Variants in DNAH6 observed in about 807,000 individuals in gnomAD.
DNAH6 encodes dynein axonemal heavy chain 6.
A neutral mutation model predicts 491.4 loss-of-function variants in DNAH6; 340 were observed. That is an observed-to-expected ratio of 0.69 (90% CI 0.63 to 0.76). The LOEUF (loss-of-function observed/expected upper bound fraction) is 0.76, where lower values mean the gene tolerates loss of function less well. Among genes scored for constraint, DNAH6 ranks in the 30% least tolerant of loss-of-function variants. The pLI is 0.00. For synonymous variants in DNAH6, 1,603 were observed against 1,686.1 expected (o/e 0.95, Z 1.21); for missense variants, 4,443 against 4,972.2 (o/e 0.89, Z 3.20).
intron 60 of DNAH6, among the ~76,000 whole-genome samples, chr2:84,725,890 G>C (rs1461905851): frequency 6.6e-6 from 1 of 152,196 alleles, no homozygotes; most frequent in Non-Finnish European, 1.5e-5. Context: ...GGTTGTTAAA[G>C]AGGGCTGAGT....
At chr2:84,518,453 G>A (rs1356187711) in intron 2 of DNAH6, among the ~76,000 whole-genome samples, 1 of 152,134 alleles carries the variant, frequency 6.6e-6, no homozygotes, top group South Asian at 2.1e-4. Flanking sequence ...AAAATTGTGT[G>A]CATGTTGAAA....
chr2:84,688,409 C>G, intron 44 of DNAH6, 30 bp from the exon 45 acceptor site: 1 of 1,461,814 alleles, frequency 6.8e-7, no homozygotes, highest in Middle Eastern at 1.8e-4. Flanking sequence ...CAGAATTGAT[C>G]CAACTTGGTT....
At chr2:84,562,241 G>A (rs371982860) in intron 11 of DNAH6, among the ~76,000 whole-genome samples, 4 of 151,890 alleles carry the variant, frequency 2.6e-5, no homozygotes, top group East Asian at 1.9e-4. Flanking sequence ...AAAATATATC[G>A]TCACTCAGAG....
intron 45 of DNAH6, among the ~76,000 whole-genome samples, chr2:84,693,376 C>T (rs377523401): frequency 1.3e-5 from 2 of 148,572 alleles, no homozygotes; most frequent in East Asian, 1.9e-4. Flanking sequence ...CTCTACCCAA[C>T]TTTTCCTAAA....
chr2:84,669,598 T>G (rs1337994376), intron 38 of DNAH6, 88 bp downstream of exon 38: 6 of 1,158,074 alleles, frequency 5.2e-6, no homozygotes, highest in Non-Finnish European at 7.5e-6. Context: ...TAATATTATT[T>G]CTGAGAGGAA....
At chr2:84,650,297 A>G (rs1355867508) in intron 33 of DNAH6, among the ~76,000 whole-genome samples, 1 of 152,096 alleles carries the variant, frequency 6.6e-6, no homozygotes, top group African/African-American at 2.4e-5. Context: ...ATCTTTTGTT[A>G]TATTTCCACA....
At position 84,709,529 on chromosome 2, in the gene DNAH6, A is replaced by G; in HGVS notation, c.9235A>G (p.Ile3079Val). 1 of 1,551,732 alleles carries G rather than the reference A, an allele frequency of 6.4e-7. No homozygotes were observed. Among genetic ancestry groups the G allele is most frequent in the South Asian group, 1.2e-5 (1 of 84,052 alleles). ...VTQGRRWPLMIDPQDQANRWI... is the reference protein window; with the variant it reads ...VTQGRRWPLMVDPQDQANRWI... The stretch of plus-strand genomic sequence containing the variant: ...TCAAGGCAGAAGATGGCCTTTGATG[A>G]TTGATCCCCAAGATCAGGTGTGTAG... Residue 3079 changes from isoleucine (I) to valine (V), a missense_variant, in exon 55 of 77, where the codon ATT becomes GTT. Ile to Val is a conservative substitution (Grantham distance 29). This residue lies in a region of DNAH6 where 1,463 missense variants were observed against 1,656.6 expected (regional missense o/e 0.88). Coordinates refer to ENST00000389394, the MANE Select transcript of DNAH6 (RefSeq NM_001370.2).
At chr2:84,472,577 G>A in the DNAH6 span, among the ~76,000 whole-genome samples, 2 of 152,064 alleles carry the variant, frequency 1.3e-5, no homozygotes, top group Non-Finnish European at 2.9e-5. Context: ...GTTAACTCCT[G>A]TTCCTTGATG....
chr2:84,577,883 A>G (rs1336436018), intron 13 of DNAH6, among the ~76,000 whole-genome samples: 1 of 152,248 alleles, frequency 6.6e-6, no homozygotes, highest in African/African-American at 2.4e-5. Flanking sequence ...GAGCCAGAGT[A>G]TACTTGTGTC....
intron 63 of DNAH6, among the ~76,000 whole-genome samples, chr2:84,757,514 A>G (rs780505132): frequency 2.0e-5 from 3 of 152,218 alleles, no homozygotes; most frequent in Non-Finnish European, 4.4e-5. Context: ...TCATAAGGAA[A>G]CACTCTCTAT....
In DNAH6 at chr2:84,606,929, G is replaced by A. The variant is rs1290750471; in HGVS notation, c.3175-47G>A. 2.0e-6 allele frequency: 3 copies of A among 1,529,806 alleles called. No individual in the cohort carries two copies. In the South Asian group the frequency reaches 3.7e-5, roughly 19 times the overall value. The allele number at this position is 1,529,806 out of a possible 1,614,324, so 94.8% of individuals were successfully genotyped here. A position where few individuals can be genotyped will look rare whatever the true frequency, so the allele number is the denominator to read the frequency against. On this transcript the variant is annotated intron_variant, in intron 20 of 76. Coordinates refer to ENST00000389394, the MANE Select transcript of DNAH6 (RefSeq NM_001370.2). ...TTATGTATCTGAAATATTACTGAAA[G>A]CACAAATACTGGGTGCTGCATGTAT... is the stretch of plus-strand genomic sequence containing the variant.
chr2:84,707,757 C>T, intron 54 of DNAH6, 41 bp downstream of exon 54: 1 of 1,495,424 alleles, frequency 6.7e-7, no homozygotes, highest in South Asian at 1.2e-5. Context: ...TAAGAAGCAG[C>T]TGAAACTGGA....
chr2:84,705,471 A>G lies in DNAH6; in HGVS notation c.8466-15A>G, dbSNP rs546110739. ...TTCATTTCAGTGCCATTAATATATC[A>G]TGTCTGTCTTTCAGGCCTGATTGGC... On this transcript the variant is annotated splice_polypyrimidine_tract_variant and intron_variant, in intron 51 of 76. Transcript: ENST00000389394. 6.1e-5 allele frequency: 93 copies of G among 1,528,448 alleles called. 1 individual carries two copies. In the South Asian group the frequency reaches 9.4e-4, roughly 15 times the overall value. The allele number at this position is 1,528,448 out of a possible 1,614,324, so 94.7% of individuals were successfully genotyped here. A position where few individuals can be genotyped will look rare whatever the true frequency, so the allele number is the denominator to read the frequency against.
chr2:84,605,352 C>CAA lies in DNAH6; in HGVS notation c.3082-131_3082-130dup, dbSNP rs5832617. On this transcript the variant is annotated intron_variant, in intron 19 of 76. Transcript: ENST00000389394. Reference sequence around the variant, plus strand: ...TGGGTGACAGAGTGAGACTCTATCTCAAAAAAAAAAAAAAAAAAGAATTTT... The same window carrying CAA: ...TGGGTGACAGAGTGAGACTCTATCTCAAAAAAAAAAAAAAAAAAAAGAATTTT... The CAA allele has an allele frequency of 1.7e-3, 580 of 337,008 alleles. 1 individual carries two copies. The highest frequency in any genetic ancestry group is 6.2e-3 in the African/African-American group (200 of 32,122). 20.9% of individuals were successfully genotyped at this position (337,008 alleles called of 1,614,324 possible).
At chr2:84,578,807 T>G (rs1371554482) in intron 13 of DNAH6, among the ~76,000 whole-genome samples, 1 of 152,188 alleles carries the variant, frequency 6.6e-6, no homozygotes, top group Non-Finnish European at 1.5e-5. Flanking sequence ...AGGAACCTGA[T>G]AGAAAGTGAT....
intron 62 of DNAH6, among the ~76,000 whole-genome samples, chr2:84,738,397 T>C (rs1672204916): frequency 6.6e-6 from 1 of 152,116 alleles, no homozygotes; most frequent in Admixed American, 6.5e-5. Context: ...CCAGAATTGG[T>C]CAATTTTCTG....
the DNAH6 span, among the ~76,000 whole-genome samples, chr2:84,463,127 A>G: frequency 6.6e-6 from 1 of 152,308 alleles, no homozygotes; most frequent in African/African-American, 2.4e-5. Context: ...CAGCATTCCA[A>G]AGAGAGAATA....
At position 84,598,890 on chromosome 2, in the gene DNAH6, C is replaced by T. The variant is rs374176282; in HGVS notation, c.2868+3101C>T. Among the ~76,000 whole-genome samples the T allele has an allele frequency of 1.6e-3, 249 of 152,072 alleles. 2 individuals carry two copies. The South Asian group carries it at 0.019, about 12-fold the overall frequency. ...ACTAAAAATACAAAAATTAGCTGGG[C>T]GTGGTGGCTTGTGCCTGTAGTCCTG... On this transcript the variant is annotated intron_variant, in intron 18 of 76. Transcript: ENST00000389394.
rs1397347224 is a variant in DNAH6, at chr2:84,694,236, C to G, written c.7293-13C>G. On this transcript the variant is annotated splice_polypyrimidine_tract_variant and intron_variant, in intron 45 of 76. Coordinates refer to ENST00000389394, the MANE Select transcript of DNAH6 (RefSeq NM_001370.2). ...GTGAACTTGAAATAAACCCTCTGCT[C>G]TGATGTTTGCAGGATTGCTCGGATG... 2.6e-6 allele frequency: 4 copies of G among 1,549,888 alleles called. No homozygotes were observed. Among genetic ancestry groups the G allele is most frequent in the Non-Finnish European group, 8.7e-7 (1 of 1,145,260 alleles).
Sources: allele counts gnomAD v4.1 joint callset (sites outside exome capture counted in the v4.1 genomes callset), GRCh38; gene constraint gnomAD v4.1.1; regional missense constraint gnomAD v4.1.1; transcripts MANE v1.5; gene names NCBI Gene and HGNC (gene_info 2026-07-23, HGNC 2026-07-21).